Variants in ATP2C1 observed in about 807,000 individuals in gnomAD.
The protein encoded by ATP2C1 is calcium-transporting ATPase type 2C member 1.
ATP2C1 carries 31 observed loss-of-function variants against 120.5 expected under a neutral mutation model. The observed-to-expected ratio is 0.26, with a 90% CI of 0.19 to 0.35. The LOEUF is 0.35. Ranked by LOEUF, ATP2C1 falls within the 10% of genes least tolerant of loss-of-function variation. The pLI, the probability that ATP2C1 is intolerant of heterozygous loss-of-function variation, is 1.00. For missense variants in ATP2C1, 731 were observed against 1,107.5 expected (o/e 0.66, Z 4.83); for synonymous variants, 351 against 358.7 (o/e 0.98, Z 0.24).
chr3:130,884,146 G>A (rs985187997), intron 1 of ATP2C1, among the ~76,000 whole-genome samples: 6 of 151,446 alleles, frequency 4.0e-5, no homozygotes, highest in Admixed American at 1.3e-4. Context: ...TCACGACATT[G>A]GCCAGGCTGG....
Position 130,992,980 on chromosome 3 carries a change from G to A in ATP2C1, c.1869G>A (p.Arg623=), listed in dbSNP as rs1294850156. 3.7e-6 allele frequency: 6 copies of A among 1,612,644 alleles called. No individual in the cohort carries two copies. The highest frequency in any genetic ancestry group is 5.1e-6 in the Non-Finnish European group (6 of 1,178,952). The change falls in exon 21 of 28, where the codon AGG becomes AGA. Residue 623 remains arginine, a synonymous_variant. Transcript: ENST00000510168. ...KVAVFYRASP[R]HKMKIIKSLQ... is the part of the protein sequence containing the mutation. ...CAGTATTTTACAGAGCTAGCCCAAG[G>A]CACAAGATGAAAATTATTAAGGTGA...
intron 7 of ATP2C1, among the ~76,000 whole-genome samples, chr3:130,940,904 G>C (rs1174036049): frequency 1.0e-5 from 1 of 98,064 alleles, no homozygotes; most frequent in Non-Finnish European, 2.1e-5. Flanking sequence ...GTATTTAACA[G>C]ATTTTTTTTT....
Position 130,894,150 on chromosome 3 carries a change from C to CG in ATP2C1, c.-368_-367insG. 6.2e-6 allele frequency: 2 copies of CG among 322,794 alleles called. No individual in the cohort carries two copies. Among genetic ancestry groups the CG allele is most frequent in the Non-Finnish European group, 8.9e-6 (2 of 224,884 alleles). The allele number at this position is 322,794 out of a possible 1,614,324, so 20.0% of individuals were successfully genotyped here. A position where few individuals can be genotyped will look rare whatever the true frequency, so the allele number is the denominator to read the frequency against. ...CGGGTCCCCTCACCTCCTCTTCTCT[C>CG]CCCTCCCCGCCCGCCCTCTCTCCCT... On this transcript the variant is annotated 5_prime_UTR_variant, in exon 1 of 28. Transcript: ENST00000510168. This position sits in a 1 kb window ranked among gnomAD's most constrained non-coding sequence, Gnocchi z 4.5.
intron 9 of ATP2C1, among the ~76,000 whole-genome samples, chr3:130,954,272 T>C (rs902371108): frequency 6.2e-4 from 94 of 152,330 alleles, no homozygotes; most frequent in Non-Finnish European, 4.1e-4. Context: ...ATTTAGTTAA[T>C]ATGATACTGG....
intron 11 of ATP2C1, among the ~76,000 whole-genome samples, chr3:130,958,628 G>A (rs2060684318): frequency 6.6e-6 from 1 of 152,030 alleles, no homozygotes; most frequent in African/African-American, 2.4e-5. Flanking sequence ...TCACAAACCT[G>A]CTTGTGCGCC....
At chr3:130,959,497 T>G in intron 12 of ATP2C1, 156 bp downstream of exon 12, 1 of 515,374 alleles carries the variant, frequency 1.9e-6, no homozygotes, top group South Asian at 2.6e-5. Flanking sequence ...ATTAAAATTA[T>G]CCTTAGAAAA....
intron 8 of ATP2C1, among the ~76,000 whole-genome samples, chr3:130,949,669 A>G (rs2060287937): frequency 6.6e-6 from 1 of 152,190 alleles, no homozygotes; most frequent in African/African-American, 2.4e-5. Flanking sequence ...AAAGTTAGCA[A>G]TTTATGTAAG....
At chr3:131,014,270 A>G in intron 26 of ATP2C1, 2 of 1,614,000 alleles carry the variant, frequency 1.2e-6, no homozygotes, top group Non-Finnish European at 1.7e-6. Context: ...ACCTTGTGGC[A>G]TTGAATAGAT....
intron 2 of ATP2C1, among the ~76,000 whole-genome samples, chr3:130,896,423 C>T (rs2069630570): frequency 6.6e-6 from 1 of 152,094 alleles, no homozygotes; most frequent in African/African-American, 2.4e-5. Context: ...GGTTTTCTGT[C>T]CCGTTATTCT....
intron 26 of ATP2C1, among the ~76,000 whole-genome samples, chr3:131,013,415 T>C (rs2063416783): frequency 6.6e-6 from 1 of 152,236 alleles, no homozygotes. Context: ...TAGGGTCTGG[T>C]ATTGCTGCAT....
At chr3:130,954,010 C>G (rs2060477802) in intron 9 of ATP2C1, 34 bp downstream of exon 9, 1 of 1,609,684 alleles carries the variant, frequency 6.2e-7, no homozygotes, top group African/African-American at 1.3e-5. Context: ...AAAAGCAGTT[C>G]CTTTGTTTGA....
At chr3:130,943,075 A>G (rs2059991985) in intron 8 of ATP2C1, among the ~76,000 whole-genome samples, 1 of 152,228 alleles carries the variant, frequency 6.6e-6, no homozygotes, top group Non-Finnish European at 1.5e-5. Flanking sequence ...AAACTATTTT[A>G]GGGTTTTCAT....
intron 2 of ATP2C1, among the ~76,000 whole-genome samples, chr3:130,902,297 GTTTTT>G (rs398052267): frequency 7.5e-5 from 1 of 13,252 alleles, no homozygotes; most frequent in African/African-American, 2.1e-4. Context: ...TTTTTTTTTT[GTTTTT>G]TTTTTTTTTT....
Position 130,894,133 on chromosome 3 carries a change from C to A in ATP2C1, c.-385C>A. 1.1e-6 allele frequency: 1 copy of A among 940,368 alleles called. No homozygotes were observed. The highest frequency in any genetic ancestry group is 1.3e-6 in the Non-Finnish European group (1 of 788,940). The allele number at this position is 940,368 out of a possible 1,614,324, so 58.3% of individuals were successfully genotyped here. A position where few individuals can be genotyped will look rare whatever the true frequency, so the allele number is the denominator to read the frequency against. ...GGCCCGGCGGACCGTGACGGGTCCCCTCACCTCCTCTTCTCTCCCCTCCCC... is the reference window on the plus strand; with the variant it reads ...GGCCCGGCGGACCGTGACGGGTCCCATCACCTCCTCTTCTCTCCCCTCCCC... On this transcript the variant is annotated 5_prime_UTR_variant, in exon 1 of 28. Transcript: ENST00000510168. This position sits in a 1 kb window ranked among gnomAD's most constrained non-coding sequence, Gnocchi z 4.5.
intron 12 of ATP2C1, 179 bp downstream of exon 12, chr3:130,959,520 G>C (rs563056497): frequency 2.2e-6 from 1 of 448,954 alleles, no homozygotes; most frequent in Non-Finnish European, 4.1e-6. Flanking sequence ...GAAAATGTAT[G>C]TATATGGTAA....
intron 8 of ATP2C1, 125 bp downstream of exon 8, chr3:130,941,824 T>C (rs542061387): frequency 1.2e-6 from 1 of 860,626 alleles, no homozygotes; most frequent in Admixed American, 2.2e-5. Context: ...CTTTAAAATG[T>C]GACATATATA....
chr3:130,906,912 G>T (rs1435579711), intron 2 of ATP2C1, among the ~76,000 whole-genome samples: 1 of 151,964 alleles, frequency 6.6e-6, no homozygotes, highest in African/African-American at 2.4e-5. Flanking sequence ...CAATGTTTTG[G>T]TTACTGTAGA....
chr3:130,877,786 G>A (rs2068652534), intron 1 of ATP2C1, among the ~76,000 whole-genome samples: 1 of 152,114 alleles, frequency 6.6e-6, no homozygotes, highest in Admixed American at 6.5e-5. Context: ...TCCCATTACT[G>A]GGTATATATC....
At chr3:130,941,146 C>A (rs1232586715) in intron 7 of ATP2C1, among the ~76,000 whole-genome samples, 1 of 151,790 alleles carries the variant, frequency 6.6e-6, no homozygotes, top group East Asian at 1.9e-4. Flanking sequence ...GATCTCCTGA[C>A]CTCGTGATCT....
Sources: allele counts gnomAD v4.1 joint callset (sites outside exome capture counted in the v4.1 genomes callset), GRCh38; gene constraint gnomAD v4.1.1; non-coding constraint Gnocchi (gnomAD v3.1); transcripts MANE v1.5; gene names NCBI Gene and HGNC (gene_info 2026-07-23, HGNC 2026-07-21).